The following CACNA2D1 variants were observed in gnomAD, a reference collection of about 807,000 sequenced individuals.
CACNA2D1 encodes the protein calcium voltage-gated channel auxiliary subunit alpha2delta 1.
A neutral mutation model predicts 171.5 loss-of-function variants in CACNA2D1; 53 were observed. The observed-to-expected ratio is 0.31, with a 90% CI of 0.25 to 0.39. CACNA2D1 has a LOEUF of 0.39. CACNA2D1 is among the 10% of genes least tolerant of loss of function. The pLI is 1.00. For missense variants in CACNA2D1, 903 were observed against 1,299.8 expected (o/e 0.69, Z 4.69); for synonymous variants, 442 against 443.1 (o/e 1.00, Z 0.03).
At chr7:81,971,610 C>T (rs949609676) in intron 26 of CACNA2D1, among the ~76,000 whole-genome samples, 167 bp downstream of exon 26, 4 of 151,640 alleles carry the variant, frequency 2.6e-5, no homozygotes, top group Admixed American at 6.6e-5. Flanking sequence ...CTGAAAAACA[C>T]CCACAACTGA....
At chr7:82,170,491 A>G (rs1795899165) in intron 4 of CACNA2D1, 59 bp downstream of exon 4, 1 of 1,080,820 alleles carries the variant, frequency 9.3e-7, no homozygotes, top group Admixed American at 1.7e-5. Context: ...ATATGCATGT[A>G]ATTATCCATA....
At chr7:82,384,795 T>G (rs963602771) in intron 1 of CACNA2D1, among the ~76,000 whole-genome samples, 1 of 152,178 alleles carries the variant, frequency 6.6e-6, no homozygotes, top group East Asian at 1.9e-4. Flanking sequence ...TTGAGATCAG[T>G]AGACGTTAGG....
intron 5 of CACNA2D1, among the ~76,000 whole-genome samples, chr7:82,126,722 C>G (rs1293668865): frequency 1.3e-5 from 2 of 152,210 alleles, no homozygotes; most frequent in African/African-American, 4.8e-5. Flanking sequence ...TCACCACATT[C>G]AGACAATGAG....
At chr7:82,191,962 T>C (rs1798340032) in intron 3 of CACNA2D1, among the ~76,000 whole-genome samples, 1 of 151,798 alleles carries the variant, frequency 6.6e-6, no homozygotes, top group Non-Finnish European at 1.5e-5. Flanking sequence ...GTAAGCACTC[T>C]ATCATGCAAA....
intron 1 of CACNA2D1, among the ~76,000 whole-genome samples, chr7:82,419,472 C>G (rs562247467): frequency 6.6e-6 from 1 of 152,288 alleles, no homozygotes; most frequent in Admixed American, 6.5e-5. Flanking sequence ...ACACTAGTAC[C>G]TTTCTGCTAA....
intron 10 of CACNA2D1, among the ~76,000 whole-genome samples, chr7:82,049,435 T>C (rs1804949960): frequency 6.6e-6 from 1 of 152,190 alleles, no homozygotes; most frequent in Non-Finnish European, 1.5e-5. Context: ...AAGAATTCTA[T>C]AATTACCAAG....
chr7:82,064,250 C>G (rs967323056), intron 9 of CACNA2D1, 54 bp downstream of exon 9: 3 of 1,235,476 alleles, frequency 2.4e-6, no homozygotes, highest in Admixed American at 1.7e-5. Flanking sequence ...CTACTGTTAT[C>G]TACAAATCCT....
At chr7:82,102,755 T>C (rs1401424239) in intron 6 of CACNA2D1, among the ~76,000 whole-genome samples, 1 of 152,098 alleles carries the variant, frequency 6.6e-6, no homozygotes, top group East Asian at 1.9e-4. Context: ...AAGTCATACA[T>C]GTCACTTCCA....
intron 7 of CACNA2D1, among the ~76,000 whole-genome samples, chr7:82,071,053 G>C (rs1037860281): frequency 6.6e-6 from 1 of 152,112 alleles, no homozygotes; most frequent in Non-Finnish European, 1.5e-5. Flanking sequence ...ACAACAACTA[G>C]AAGTCATCTG....
chr7:82,290,376 A>G (rs1811364699), intron 3 of CACNA2D1, among the ~76,000 whole-genome samples: 1 of 152,168 alleles, frequency 6.6e-6, no homozygotes, highest in African/African-American at 2.4e-5. Context: ...GCAGTAATAT[A>G]CTAAGTTGAA....
chr7:82,339,531 T>C (rs1487829898), intron 2 of CACNA2D1, among the ~76,000 whole-genome samples: 1 of 152,194 alleles, frequency 6.6e-6, no homozygotes, highest in African/African-American at 2.4e-5. Flanking sequence ...TTCTAACCAA[T>C]TGTATCAGGA....
At chr7:82,423,892 G>A (rs1024841546) in intron 1 of CACNA2D1, among the ~76,000 whole-genome samples, 9 of 152,020 alleles carry the variant, frequency 5.9e-5, no homozygotes, top group African/African-American at 1.2e-4. Context: ...GCACAAACTG[G>A]GAGTGTTTAC....
At chr7:82,433,184 T>G (rs1465878757) in intron 1 of CACNA2D1, among the ~76,000 whole-genome samples, 1 of 144,590 alleles carries the variant, frequency 6.9e-6, no homozygotes, top group Non-Finnish European at 1.5e-5. Flanking sequence ...TGAGACTCCA[T>G]CTCAAAAAAA....
At chr7:82,436,949 C>G (rs1028378060) in intron 1 of CACNA2D1, among the ~76,000 whole-genome samples, 30 of 152,082 alleles carry the variant, frequency 2.0e-4, no homozygotes, top group Admixed American at 6.6e-5. Flanking sequence ...AGGTATTGGG[C>G]AAATATCAAA....
chr7:82,403,559 T>C (rs1202809609), intron 1 of CACNA2D1, among the ~76,000 whole-genome samples: 1 of 152,174 alleles, frequency 6.6e-6, no homozygotes, highest in Admixed American at 6.5e-5. Context: ...ATTTTATATC[T>C]GCATCCCACA....
chr7:81,955,968 ATATATATATAT>A (rs1262205713), intron 38 of CACNA2D1, among the ~76,000 whole-genome samples: 1 of 65,476 alleles, frequency 1.5e-5, no homozygotes, highest in East Asian at 5.0e-4. Flanking sequence ...TGCTATATAT[ATATATATATAT>A]ATTTTTTTTT....
At chr7:82,338,042 C>T (rs574714607) in intron 2 of CACNA2D1, among the ~76,000 whole-genome samples, 11 of 152,050 alleles carry the variant, frequency 7.2e-5, no homozygotes, top group Non-Finnish European at 1.0e-4. Context: ...TATCTTTGTT[C>T]TAATTAACAT....
intron 16 of CACNA2D1, among the ~76,000 whole-genome samples, chr7:82,006,587 T>C (rs1255625441): frequency 6.6e-6 from 1 of 152,118 alleles, no homozygotes; most frequent in Non-Finnish European, 1.5e-5. Context: ...CATTTAAACC[T>C]TGTGTAGGCA....
At chr7:82,326,489 A>G (rs184134968) in intron 3 of CACNA2D1, among the ~76,000 whole-genome samples, 16 of 152,314 alleles carry the variant, frequency 1.1e-4, no homozygotes, top group East Asian at 9.7e-4. Context: ...GAAAACAACT[A>G]TATGTACTTT....
Sources: gnomAD v4.1 joint callset for allele counts (sites outside exome capture counted in the v4.1 genomes callset) on GRCh38, gnomAD v4.1.1 for gene constraint, MANE v1.5 for transcripts, NCBI Gene and HGNC (gene_info 2026-07-23, HGNC 2026-07-21) for gene names.